Variants in ADGRE2 observed in about 807,000 individuals in gnomAD.
ADGRE2 encodes CD97 antigen.
ADGRE2 carries 83 observed loss-of-function variants against 100.8 expected under a neutral mutation model. The observed-to-expected ratio is 0.82, with a 90% CI of 0.69 to 0.99. ADGRE2 has a LOEUF of 0.99. ADGRE2 is among the 50% of genes least tolerant of loss of function. The probability of loss-of-function intolerance (pLI) is 0.00; values close to 1 mark genes in which losing one functional copy is unlikely to be tolerated. For missense variants in ADGRE2, 814 were observed against 1,035.7 expected (o/e 0.79, Z 2.94); for synonymous variants, 355 against 413.0 (o/e 0.86, Z 1.70).
rs1224905394 is a variant in ADGRE2, at chr19:14,752,234, G to A, written c.1788+95C>T. On this transcript the variant is annotated intron_variant, in intron 15 of 20. Transcript: ENST00000315576. ...AGGCATGAGCCACCACGCCCAGCCG[G>A]GCTATTATATTAAGGAATCAAATGC... 10 of 1,486,274 alleles carry A rather than the reference G, an allele frequency of 6.7e-6. No homozygotes were observed. The East Asian group carries it at 2.4e-4, about 35-fold the overall frequency. 92.1% of individuals were successfully genotyped at this position (1,486,274 alleles called of 1,614,324 possible). A position where few individuals can be genotyped will look rare whatever the true frequency, so the allele number is the denominator to read the frequency against.
chr19:14,770,565 C>T (rs183506419), intron 5 of ADGRE2, among the ~76,000 whole-genome samples: 166 of 151,854 alleles, frequency 1.1e-3, no homozygotes, highest in Non-Finnish European at 1.8e-3. Context: ...CCAGCCAAGG[C>T]GGTGAGCAGA....
chr19:14,759,660 C>G (rs949144334), intron 11 of ADGRE2, among the ~76,000 whole-genome samples: 1 of 151,358 alleles, frequency 6.6e-6, no homozygotes, highest in African/African-American at 2.4e-5. Context: ...CTAAGCCCAG[C>G]TAATTTTTGT....
intron 12 of ADGRE2, 93 bp from the exon 13 acceptor site, chr19:14,755,970 G>C: frequency 1.9e-6 from 2 of 1,073,944 alleles, no homozygotes; most frequent in Non-Finnish European, 2.7e-6. Context: ...TTTCTACTCA[G>C]ATGGGCTACC....
intron 18 of ADGRE2, among the ~76,000 whole-genome samples, chr19:14,745,538 A>G (rs2043061139): frequency 6.6e-6 from 1 of 151,888 alleles, no homozygotes. Context: ...CCATTAACCA[A>G]CCTCTCTTCA....
intron 2 of ADGRE2, among the ~76,000 whole-genome samples, chr19:14,775,692 C>G (rs1308098980): frequency 6.6e-6 from 1 of 151,800 alleles, no homozygotes; most frequent in African/African-American, 2.4e-5. Flanking sequence ...AACCCCGTCT[C>G]TACTAAAAAT....
At chr19:14,749,182 T>G (rs1599808762) in intron 16 of ADGRE2, among the ~76,000 whole-genome samples, 1 of 60,408 alleles carries the variant, frequency 1.7e-5, no homozygotes, top group South Asian at 8.5e-4. Context: ...AACCATATAA[T>G]TATATAACCA....
chr19:14,731,268 C>T (rs1238031096), downstream of ADGRE2: 8 of 1,375,212 alleles, frequency 5.8e-6, no homozygotes, highest in Non-Finnish European at 8.0e-6. Context: ...AGGATCACTA[C>T]TGGGGCTTGA....
At chr19:14,742,535 T>C (rs1258970635) in intron 20 of ADGRE2, among the ~76,000 whole-genome samples, 3 of 152,182 alleles carry the variant, frequency 2.0e-5, no homozygotes, top group Non-Finnish European at 4.4e-5. Context: ...GCTGGCCCCA[T>C]TACTGCTTTT....
chr19:14,757,956 A>G (rs2043559711), intron 11 of ADGRE2, among the ~76,000 whole-genome samples: 1 of 152,202 alleles, frequency 6.6e-6, no homozygotes, highest in Admixed American at 6.5e-5. Flanking sequence ...GTCATGTGCC[A>G]ACACATCTGG....
At chr19:14,766,411 G>C (rs372901137) in intron 6 of ADGRE2, 30 bp from the exon 7 acceptor site, 1 of 1,585,978 alleles carries the variant, frequency 6.3e-7, no homozygotes, top group African/African-American at 1.3e-5. Context: ...GTCAAACCCT[G>C]TCCCTGACCA....
rs780340132 is a variant in ADGRE2 at position 14,756,307 on chromosome 19, C to T, written c.1123G>A (p.Val375Ile). The T allele has an allele frequency of 3.1e-6, 5 of 1,613,982 alleles. No homozygotes were observed. The East Asian group carries it at 8.9e-5, about 29-fold the overall frequency. Residue 375 changes from valine to isoleucine, a missense_variant, in exon 12 of 21, where the codon GTC becomes ATC. By Grantham distance (29) the Val-to-Ile change is conservative (BLOSUM62 3). Around this residue, in one of 5 missense-constraint regions of ADGRE2, gnomAD observed 569 missense variants for 692.7 expected, o/e 0.82. Coordinates refer to ENST00000315576, the MANE Select transcript of ADGRE2 (RefSeq NM_013447.4). ...LEVQKQVDRSVTLRQNQAVMQ... is the reference protein window; with the variant it reads ...LEVQKQVDRSITLRQNQAVMQ... ...ACTGCCTGATTCTGTCTCAAGGTGA[C>T]ACTCCTGTCTACTTGCTTCTGCACC...
chr19:14,746,243 G>T lies in ADGRE2; in HGVS notation c.2172C>A (p.Leu724=), dbSNP rs58281547. Residue 724 remains leucine, a synonymous_variant, in exon 18 of 21, where the codon CTC becomes CTA. Coordinates refer to ENST00000315576, the MANE Select transcript of ADGRE2 (RefSeq NM_013447.4). ...LSSLNSEVST[L]RNTRMLAFKA... is the part of the protein sequence containing the mutation. ...CTTCTCCATCTTACCTTGTGTTCCG[G>T]AGGGTGGACACTTCACTATTGAGGG... 11 of 1,596,664 alleles carry T rather than the reference G, an allele frequency of 6.9e-6. No individual in the cohort carries two copies. Among genetic ancestry groups the T allele is most frequent in the Middle Eastern group, 3.3e-4 (2 of 6,028 alleles).
rs543450909 is a variant in ADGRE2 at position 14,732,543 on chromosome 19, C to G, written c.*3693G>C. 1.4e-4 allele frequency: 21 copies of G among 152,220 alleles called. No individual in the cohort carries two copies. The highest frequency in any genetic ancestry group is 5.1e-4 in the African/African-American group (21 of 41,536). The allele number at this position is 152,220 out of a possible 1,614,324, so 9.4% of individuals were successfully genotyped here. A position where few individuals can be genotyped will look rare whatever the true frequency, so the allele number is the denominator to read the frequency against. On this transcript the variant is annotated 3_prime_UTR_variant, in exon 21 of 21. Coordinates refer to ENST00000315576, the MANE Select transcript of ADGRE2 (RefSeq NM_013447.4). Reference sequence around the variant, plus strand: ...GTGTAGAGTGAAGTGCTTCCATGAACCTGAACATCATGGTCTGGAAACTAT... The same window carrying G: ...GTGTAGAGTGAAGTGCTTCCATGAAGCTGAACATCATGGTCTGGAAACTAT...
At chr19:14,768,968 G>A (rs2044092346) in intron 5 of ADGRE2, 1 of 152,290 alleles carries the variant, frequency 6.6e-6, no homozygotes, top group Admixed American at 6.5e-5. Context: ...GGTGAGCAGA[G>A]CTGTGTGGAG....
At chr19:14,747,008 T>C in intron 16 of ADGRE2, 46 bp from the exon 17 acceptor site, 7 of 1,512,162 alleles carry the variant, frequency 4.6e-6, no homozygotes, top group Non-Finnish European at 6.4e-6. Context: ...TTTGGAGATA[T>C]GGAACAGTTA....
intron 11 of ADGRE2, among the ~76,000 whole-genome samples, chr19:14,757,159 G>A (rs1310696753): frequency 6.6e-6 from 1 of 152,074 alleles, no homozygotes. Flanking sequence ...CACCTTGGTG[G>A]CCTCTGACAA....
intron 2 of ADGRE2, among the ~76,000 whole-genome samples, chr19:14,774,737 G>A (rs142312562): frequency 0.037 from 3,915 of 105,032 alleles, 100 homozygotes; most frequent in South Asian, 0.093. Flanking sequence ...GCAATGGTGC[G>A]ATCTCGGCTA....
intron 5 of ADGRE2, 65 bp from the exon 6 acceptor site, chr19:14,767,174 C>T (rs879050492): frequency 3.0e-5 from 48 of 1,585,224 alleles, no homozygotes; most frequent in East Asian, 2.2e-4. Flanking sequence ...GCTGAGGGTC[C>T]GCCATGTTTC....
At chr19:14,775,774 G>C (rs931361518) in intron 2 of ADGRE2, among the ~76,000 whole-genome samples, 1 of 149,060 alleles carries the variant, frequency 6.7e-6, no homozygotes, top group Admixed American at 6.8e-5. Flanking sequence ...CAGGAGAATC[G>C]CTTGAACCCA....
Sources: gnomAD v4.1 joint callset for allele counts (sites outside exome capture counted in the v4.1 genomes callset) on GRCh38, gnomAD v4.1.1 for gene constraint, gnomAD v4.1.1 regional missense constraint, MANE v1.5 for transcripts, NCBI Gene and HGNC (gene_info 2026-07-23, HGNC 2026-07-21) for gene names.